The following GAS7 variants were observed in gnomAD, a reference collection of about 807,000 sequenced individuals.
GAS7 encodes the protein growth arrest specific 7, also known as growth arrest-specific protein 7.
Under a neutral mutation model 71.1 loss-of-function variants are expected in GAS7, and 28 were observed. The observed-to-expected ratio is 0.39, with a 90% CI of 0.29 to 0.54. GAS7 has a LOEUF of 0.54. GAS7 is among the 20% of genes least tolerant of loss of function. The pLI is 0.62. For missense variants in GAS7, 436 were observed against 627.8 expected (o/e 0.69, Z 3.27); for synonymous variants, 258 against 245.8 (o/e 1.05, Z -0.46).
intron 1 of GAS7, among the ~76,000 whole-genome samples, chr17:10,115,408 A>C (rs1055118822): frequency 1.3e-5 from 2 of 152,184 alleles, no homozygotes; most frequent in Non-Finnish European, 2.9e-5. Context: ...TGGGGGGCAA[A>C]GTGTCACCTC....
intron 2 of GAS7, among the ~76,000 whole-genome samples, chr17:10,009,257 C>T (rs930463946): frequency 1.4e-5 from 2 of 143,944 alleles, no homozygotes; most frequent in African/African-American, 5.3e-5. Flanking sequence ...GGAGGCGGAG[C>T]TTGCAGTGAG....
chr17:10,118,661 G>T (rs547528769), intron 1 of GAS7, among the ~76,000 whole-genome samples: 1 of 130,360 alleles, frequency 7.7e-6, no homozygotes, highest in East Asian at 2.5e-4. Flanking sequence ...CTGAGATTGC[G>T]CCATTGCACT....
At chr17:9,998,800 G>A (rs1372384157) in intron 2 of GAS7, among the ~76,000 whole-genome samples, 1 of 152,156 alleles carries the variant, frequency 6.6e-6, no homozygotes, top group Non-Finnish European at 1.5e-5. Context: ...CCTTACGCCT[G>A]CATTCCTGTG....
intron 1 of GAS7, among the ~76,000 whole-genome samples, chr17:10,193,275 A>AC (rs2074516199): frequency 6.6e-6 from 1 of 151,618 alleles, no homozygotes; most frequent in South Asian, 2.1e-4. Flanking sequence ...AAAAAAAAAA[A>AC]AAACCCTCCA....
intron 1 of GAS7, among the ~76,000 whole-genome samples, chr17:10,132,106 A>C (rs966148021): frequency 1.3e-5 from 2 of 152,246 alleles, no homozygotes; most frequent in Non-Finnish European, 2.9e-5. Flanking sequence ...AAATGTACTC[A>C]ATGATTGCAT....
intron 4 of GAS7, among the ~76,000 whole-genome samples, chr17:9,968,627 A>C (rs2069822552): frequency 6.6e-6 from 1 of 152,232 alleles, no homozygotes; most frequent in Non-Finnish European, 1.5e-5. Flanking sequence ...ACTAACAGCC[A>C]ATGGGTCTCC....
chr17:9,963,107 G>C (rs2069567043), intron 4 of GAS7, among the ~76,000 whole-genome samples: 1 of 151,202 alleles, frequency 6.6e-6, no homozygotes, highest in Admixed American at 6.6e-5. Flanking sequence ...GCAACAACTT[G>C]GATGAAACGT....
intron 1 of GAS7, among the ~76,000 whole-genome samples, chr17:10,149,586 C>T (rs1321373095): frequency 6.6e-6 from 1 of 152,112 alleles, no homozygotes; most frequent in Non-Finnish European, 1.5e-5. Context: ...TCTAGTAATT[C>T]CACTCCTAGC....
intron 2 of GAS7, among the ~76,000 whole-genome samples, chr17:9,999,859 G>T (rs1165493594): frequency 1.3e-5 from 2 of 152,098 alleles, no homozygotes; most frequent in African/African-American, 2.4e-5. Context: ...TCTTATAGTT[G>T]AAGGAAATAA....
intron 1 of GAS7, among the ~76,000 whole-genome samples, chr17:10,064,758 GTTT>G (rs10549742): frequency 0.43 from 64,852 of 151,978 alleles, 14,085 homozygotes; most frequent in Non-Finnish European, 0.47. Flanking sequence ...GACACTGTTT[GTTT>G]AAGCCACTTG....
intron 1 of GAS7, among the ~76,000 whole-genome samples, chr17:10,085,705 A>C (rs989227678): frequency 4.8e-5 from 7 of 145,270 alleles, no homozygotes; most frequent in Non-Finnish European, 8.9e-5. Flanking sequence ...AAAAAAAAAA[A>C]AAAAGAAAGA....
At chr17:10,126,323 C>T (rs1282781908) in intron 1 of GAS7, among the ~76,000 whole-genome samples, 2 of 115,692 alleles carry the variant, frequency 1.7e-5, no homozygotes, top group African/African-American at 2.7e-5. Context: ...GCATGCCACA[C>T]ACACACGCTC....
At chr17:10,164,687 GA>G (rs936600705) in intron 1 of GAS7, among the ~76,000 whole-genome samples, 1,658 of 141,034 alleles carry the variant, frequency 0.012, 27 homozygotes, top group African/African-American at 0.04. Context: ...CTTTAAAAAT[GA>G]AAAAAAAAAG....
At chr17:10,148,677 T>A (rs898542665) in intron 1 of GAS7, among the ~76,000 whole-genome samples, 2 of 150,142 alleles carry the variant, frequency 1.3e-5, no homozygotes, top group Non-Finnish European at 3.0e-5. Flanking sequence ...TCTGGGAGGC[T>A]GAGGTGGGCG....
chr17:9,978,629 G>C (rs894080595), intron 3 of GAS7, among the ~76,000 whole-genome samples: 31 of 152,188 alleles, frequency 2.0e-4, no homozygotes, highest in African/African-American at 6.5e-4. Flanking sequence ...AGTGAGCTAT[G>C]ATCATGACAC....
intron 4 of GAS7, among the ~76,000 whole-genome samples, chr17:9,963,178 G>A (rs940164124): frequency 6.6e-6 from 1 of 152,074 alleles, no homozygotes; most frequent in Non-Finnish European, 1.5e-5. Context: ...CATCCATGCC[G>A]CGATGTGAAT....
At chr17:10,006,419 T>C (rs2152179673) in intron 2 of GAS7, among the ~76,000 whole-genome samples, 1 of 130,932 alleles carries the variant, frequency 7.6e-6, no homozygotes, top group African/African-American at 2.8e-5. Context: ...AAGCTCCACC[T>C]CCTGGGTCCA....
At chr17:10,177,502 AAG>A (rs2142138342) in intron 1 of GAS7, among the ~76,000 whole-genome samples, 1 of 152,248 alleles carries the variant, frequency 6.6e-6, no homozygotes, top group East Asian at 1.9e-4. Flanking sequence ...GTGGAAACCC[AAG>A]AGATATTTAC....
intron 1 of GAS7, among the ~76,000 whole-genome samples, chr17:10,065,906 G>T (rs1226613057): frequency 4.6e-5 from 7 of 152,176 alleles, no homozygotes; most frequent in African/African-American, 1.7e-4. Flanking sequence ...GTTGGAGCTG[G>T]ACTCAGAGTG....
Sources: allele counts gnomAD v4.1 joint callset (sites outside exome capture counted in the v4.1 genomes callset), GRCh38; gene constraint gnomAD v4.1.1; transcripts MANE v1.5; gene names NCBI Gene and HGNC (gene_info 2026-07-23, HGNC 2026-07-21).